VPS54: variants seen among roughly 807,000 people sequenced by gnomAD.
VPS54 encodes the protein VPS54 subunit of GARP complex.
VPS54 carries 45 observed loss-of-function variants against 121.5 expected under a neutral mutation model. The ratio of observed to expected loss-of-function variants is 0.37; its 90% CI spans 0.29 to 0.47. The LOEUF (loss-of-function observed/expected upper bound fraction) is 0.47, where lower values mean the gene tolerates loss of function less well. VPS54 is among the 20% of genes least tolerant of loss of function. The pLI is 0.99. For missense variants in VPS54, 1,090 were observed against 1,131.4 expected (o/e 0.96, Z 0.52); for synonymous variants, 371 against 385.8 (o/e 0.96, Z 0.45).
intron 13 of VPS54, 122 bp downstream of exon 13, chr2:63,921,084 C>T (rs970071996): frequency 1.8e-6 from 2 of 1,094,584 alleles, no homozygotes; most frequent in South Asian, 2.4e-5. Context: ...AGTGGTAACA[C>T]TGACTTTATT....
At chr2:64,003,683 C>T (rs1325483015) in intron 1 of VPS54, among the ~76,000 whole-genome samples, 5 of 151,620 alleles carry the variant, frequency 3.3e-5, no homozygotes, top group Non-Finnish European at 7.4e-5. Flanking sequence ...TGGGTCTGGG[C>T]TAATAAGGAA....
chr2:63,893,226 C>T lies in VPS54; in HGVS notation c.*204G>A, dbSNP rs183840699. On this transcript the variant is annotated 3_prime_UTR_variant, in exon 23 of 23. Transcript: ENST00000272322. ...GTTATAGACACCTGATCAGTTACTCCTCACTGTAGGATGCACAAAAATGAC... is the reference window on the plus strand; with the variant it reads ...GTTATAGACACCTGATCAGTTACTCTTCACTGTAGGATGCACAAAAATGAC... 1,613 of 640,466 alleles carry T rather than the reference C, an allele frequency of 2.5e-3. 11 individuals are homozygous for T. Among genetic ancestry groups the T allele is most frequent in the Admixed American group, 3.2e-3 (135 of 42,832 alleles). The allele number at this position is 640,466 out of a possible 1,614,324, so 39.7% of individuals were successfully genotyped here.
intron 20 of VPS54, among the ~76,000 whole-genome samples, chr2:63,904,344 C>G (rs563797060): frequency 1.0e-3 from 140 of 138,546 alleles, no homozygotes; most frequent in African/African-American, 3.4e-3. Flanking sequence ...GAGGCTGAGG[C>G]AGGAGAATCA....
chr2:63,985,918 CTT>C (rs1204782741), intron 1 of VPS54, among the ~76,000 whole-genome samples: 3 of 152,096 alleles, frequency 2.0e-5, no homozygotes, highest in Admixed American at 1.3e-4. Context: ...AAACATGTAT[CTT>C]TATCTAAAGG....
At position 63,893,297 on chromosome 2, in the gene VPS54, T is replaced by C. The variant is rs1255811870; in HGVS notation, c.*133A>G. ...AATCCAGTTTCCCAACACTTGATAC[T>C]TTCCTTTTTCCCTTCCCCCACCCCA... On this transcript the variant is annotated 3_prime_UTR_variant, in exon 23 of 23. Transcript: ENST00000272322. The C allele has an allele frequency of 6.0e-6, 5 of 829,616 alleles. No individual in the cohort carries two copies. The highest frequency in any genetic ancestry group is 1.1e-5 in the Non-Finnish European group (5 of 471,906). The allele number at this position is 829,616 out of a possible 1,614,324, so 51.4% of individuals were successfully genotyped here.
chr2:64,012,845 A>C lies in VPS54; in HGVS notation c.-21+6093T>G, dbSNP rs146371964. 7.8e-3 allele frequency among the ~76,000 whole-genome samples: 1,191 copies of C among 152,190 alleles called. 10 individuals carry two copies. The highest frequency in any genetic ancestry group is 0.013 in the Non-Finnish European group (906 of 68,010). On this transcript the variant is annotated intron_variant, in intron 1 of 22. Transcript: ENST00000272322. Reference sequence around the variant, plus strand: ...TCCTTAGCTGTCTTCCATCTTCACCATTTACTTGGCTCCAGAAAAGGTTAG... The same window carrying C: ...TCCTTAGCTGTCTTCCATCTTCACCCTTTACTTGGCTCCAGAAAAGGTTAG...
At chr2:63,974,785 T>A (rs1676447270) in intron 3 of VPS54, among the ~76,000 whole-genome samples, 1 of 152,218 alleles carries the variant, frequency 6.6e-6, no homozygotes. Flanking sequence ...TAACCTTGTA[T>A]CTTGCAAGCT....
chr2:63,992,018 G>A (rs1033501432), intron 1 of VPS54, among the ~76,000 whole-genome samples: 3 of 152,188 alleles, frequency 2.0e-5, no homozygotes, highest in Non-Finnish European at 4.4e-5. Context: ...TGAGCCTGGT[G>A]TTAGGTAGGG....
chr2:63,940,881 A>G (rs1287385609), intron 11 of VPS54, among the ~76,000 whole-genome samples: 1 of 152,222 alleles, frequency 6.6e-6, no homozygotes, highest in Admixed American at 6.5e-5. Context: ...ACCTATAGAT[A>G]CAAGTTTGTG....
At chr2:63,920,061 A>C in intron 14 of VPS54, 66 bp from the exon 15 acceptor site, 2 of 1,347,972 alleles carry the variant, frequency 1.5e-6, no homozygotes, top group Non-Finnish European at 2.0e-6. Context: ...CTTGGTTTAA[A>C]AGAAAAGGAA....
chr2:63,970,292 T>C (rs531689479), intron 4 of VPS54, among the ~76,000 whole-genome samples: 3 of 146,182 alleles, frequency 2.1e-5, no homozygotes, highest in Admixed American at 7.0e-5. Context: ...TAGATATATA[T>C]AGATATATAT....
At chr2:63,907,348 G>T (rs1022951581) in intron 20 of VPS54, among the ~76,000 whole-genome samples, 1 of 151,752 alleles carries the variant, frequency 6.6e-6, no homozygotes, top group Non-Finnish European at 1.5e-5. Flanking sequence ...GAGAAACCTC[G>T]TCTCTATTAA....
At chr2:63,968,255 T>A (rs943583826) in intron 5 of VPS54, among the ~76,000 whole-genome samples, 1 of 152,096 alleles carries the variant, frequency 6.6e-6, no homozygotes. Context: ...TCTTAATAAT[T>A]TGAAGAGGTT....
At chr2:63,959,469 A>T (rs1347952825) in intron 7 of VPS54, among the ~76,000 whole-genome samples, 1 of 152,238 alleles carries the variant, frequency 6.6e-6, no homozygotes, top group Non-Finnish European at 1.5e-5. Flanking sequence ...ATTTGATAGG[A>T]AACTTTACAG....
chr2:63,971,869 T>C (rs765907901), intron 4 of VPS54, among the ~76,000 whole-genome samples: 8 of 152,148 alleles, frequency 5.3e-5, no homozygotes, highest in Non-Finnish European at 1.2e-4. Flanking sequence ...GCCTCCCAAG[T>C]AGTTGGGACT....
intron 8 of VPS54, among the ~76,000 whole-genome samples, chr2:63,948,265 T>C (rs1357423195): frequency 6.6e-6 from 1 of 152,104 alleles, no homozygotes; most frequent in African/African-American, 2.4e-5. Context: ...TTACTAGTTG[T>C]TGTCAGTGAT....
intron 1 of VPS54, among the ~76,000 whole-genome samples, chr2:63,998,645 T>G (rs1212287141): frequency 6.6e-6 from 1 of 152,208 alleles, no homozygotes; most frequent in Non-Finnish European, 1.5e-5. Context: ...AGATAACAAT[T>G]AACACTGCTT....
chr2:63,924,808 T>C (rs1272368648), intron 12 of VPS54, among the ~76,000 whole-genome samples: 2 of 152,180 alleles, frequency 1.3e-5, no homozygotes, highest in South Asian at 2.1e-4. Context: ...AGTGACATTA[T>C]AGAGCAGTAG....
intron 5 of VPS54, among the ~76,000 whole-genome samples, chr2:63,966,324 G>T (rs1419247032): frequency 6.6e-6 from 1 of 152,106 alleles, no homozygotes; most frequent in Admixed American, 6.5e-5. Context: ...TTTTTAAAAT[G>T]CCAAATATCA....
Sources: gnomAD v4.1 joint callset for allele counts (sites outside exome capture counted in the v4.1 genomes callset) on GRCh38, gnomAD v4.1.1 for gene constraint, MANE v1.5 for transcripts, NCBI Gene and HGNC (gene_info 2026-07-23, HGNC 2026-07-21) for gene names.